The following ARHGEF3 variants were observed in gnomAD, a reference collection of about 807,000 sequenced individuals.
ARHGEF3 encodes 59.8 kDA protein.
ARHGEF3 carries 28 observed loss-of-function variants against 63.2 expected under a neutral mutation model. The observed-to-expected ratio is 0.44, with a 90% CI of 0.33 to 0.61. The LOEUF (loss-of-function observed/expected upper bound fraction) is 0.61. Among genes scored for constraint, ARHGEF3 ranks in the 20% least tolerant of loss-of-function variants. ARHGEF3 has a pLI of 0.03. For synonymous variants in ARHGEF3, 266 were observed against 254.2 expected, an observed-to-expected ratio of 1.05 and a Z score of -0.44; for missense variants, 533 against 659.3, an observed-to-expected ratio of 0.81 and a Z score of 2.10.
At chr3:56,829,534 A>G (rs1421891428) in intron 4 of ARHGEF3, among the ~76,000 whole-genome samples, 1 of 152,202 alleles carries the variant, frequency 6.6e-6, no homozygotes, top group Non-Finnish European at 1.5e-5. Flanking sequence ...CAGTGGAGAA[A>G]TAAAATGCCC....
intron 4 of ARHGEF3, among the ~76,000 whole-genome samples, chr3:56,828,521 G>T (rs975341869): frequency 6.6e-6 from 1 of 152,064 alleles, no homozygotes; most frequent in Non-Finnish European, 1.5e-5. Context: ...GTGACAGAGT[G>T]AGACTCCATC....
Position 56,745,174 on chromosome 3 carries a change from A to G in ARHGEF3, c.870+31T>C, listed in dbSNP as rs748268734. ...ACCAGCCATTATGGTGGAAATAACAAGAAGAGAGAGAAGGAAACAGACAAA... is the reference window on the plus strand; with the variant it reads ...ACCAGCCATTATGGTGGAAATAACAGGAAGAGAGAGAAGGAAACAGACAAA... On this transcript the variant is annotated intron_variant, in intron 7 of 9. Transcript: ENST00000296315. 1.9e-6 allele frequency: 3 copies of G among 1,599,860 alleles called. No individual in the cohort carries two copies. In the South Asian group the frequency reaches 3.4e-5, roughly 18 times the overall value.
chr3:56,964,929 G>A (rs1239891802), intron 2 of ARHGEF3, among the ~76,000 whole-genome samples: 1 of 152,072 alleles, frequency 6.6e-6, no homozygotes, highest in Non-Finnish European at 1.5e-5. Flanking sequence ...AGGTGGAAAG[G>A]ACACTAATAA....
Position 57,059,500 on chromosome 3 carries a change from A to G in ARHGEF3, c.-28+19726T>C, listed in dbSNP as rs150780024. 1.8e-3 allele frequency among the ~76,000 whole-genome samples: 169 copies of G among 92,058 alleles called. 2 individuals carry two copies. The highest frequency in any genetic ancestry group is 6.2e-3 in the African/African-American group (160 of 25,926). 60.4% of individuals were successfully genotyped at this position (92,058 alleles called of 152,430 possible). Reference sequence around the variant, plus strand: ...GGAGTCTGTTCTTCCCCGTGTGTGTATGAGTTGGGGGTGGGGGGAGGGAGG... The same window carrying G: ...GGAGTCTGTTCTTCCCCGTGTGTGTGTGAGTTGGGGGTGGGGGGAGGGAGG... On this transcript the variant is annotated intron_variant, in intron 1 of 12. Coordinates refer to the ARHGEF3 transcript ENST00000338458.
chr3:56,986,072 A>G (rs1249279027), intron 2 of ARHGEF3, among the ~76,000 whole-genome samples: 1 of 152,198 alleles, frequency 6.6e-6, no homozygotes, highest in Non-Finnish European at 1.5e-5. Context: ...GATGCAACTT[A>G]TTAACATTGT....
At chr3:57,075,383 A>C (rs955639564) in intron 1 of ARHGEF3, 3 of 167,116 alleles carry the variant, frequency 1.8e-5, no homozygotes, top group Non-Finnish European at 4.4e-5. Context: ...TGCCTCGCAC[A>C]GAGTAGCCCT....
intron 3 of ARHGEF3, among the ~76,000 whole-genome samples, chr3:56,944,349 A>T (rs1456956278): frequency 6.6e-6 from 1 of 152,142 alleles, no homozygotes; most frequent in Admixed American, 6.5e-5. Flanking sequence ...CAAAATTCCA[A>T]CATTAACAGG....
chr3:56,789,348 C>A (rs567938536), intron 1 of ARHGEF3, among the ~76,000 whole-genome samples: 1 of 152,272 alleles, frequency 6.6e-6, no homozygotes, highest in African/African-American at 2.4e-5. Context: ...AAAAAAGGAA[C>A]AGGATGGTTT....
At chr3:56,794,574 C>T (rs1217599635) in intron 1 of ARHGEF3, among the ~76,000 whole-genome samples, 1 of 150,654 alleles carries the variant, frequency 6.6e-6, no homozygotes, top group East Asian at 2.0e-4. Context: ...ATTTTCTCAT[C>T]ATCTATACTG....
chr3:56,729,073 T>A lies in ARHGEF3; in HGVS notation c.*197A>T, dbSNP rs938860996. ...TGGGAAATACAACACAGGGTAATAG[T>A]TGCCACAGATTCCAGCTTACACAGA... On this transcript the variant is annotated 3_prime_UTR_variant, in exon 10 of 10. Transcript: ENST00000296315. 2 of 568,630 alleles carry A rather than the reference T, an allele frequency of 3.5e-6. No homozygotes were observed. The highest frequency in any genetic ancestry group is 3.3e-5 in the Admixed American group (1 of 29,874). 35.2% of individuals were successfully genotyped at this position (568,630 alleles called of 1,614,324 possible). A position where few individuals can be genotyped will look rare whatever the true frequency, so the allele number is the denominator to read the frequency against.
intron 1 of ARHGEF3, among the ~76,000 whole-genome samples, chr3:57,067,462 A>ATAG (rs1472231634): frequency 4.1e-5 from 6 of 147,558 alleles, no homozygotes; most frequent in African/African-American, 1.5e-4. Context: ...CAAAATAATA[A>ATAG]TAATAATAAT....
chr3:56,869,453 G>A (rs936984265), intron 4 of ARHGEF3, among the ~76,000 whole-genome samples: 5 of 152,192 alleles, frequency 3.3e-5, no homozygotes, highest in African/African-American at 1.2e-4. Context: ...CACAAACCAC[G>A]AGAATTCTCC....
intron 2 of ARHGEF3, among the ~76,000 whole-genome samples, chr3:57,002,799 G>A (rs1452687780): frequency 4.9e-5 from 7 of 142,668 alleles, no homozygotes; most frequent in Non-Finnish European, 9.1e-5. Context: ...TTTTGAGACA[G>A]AGTCTTGCTC....
At chr3:56,896,466 C>G (rs1350354103) in intron 3 of ARHGEF3, among the ~76,000 whole-genome samples, 1 of 152,186 alleles carries the variant, frequency 6.6e-6, no homozygotes, top group African/African-American at 2.4e-5. Flanking sequence ...AATGTATCAA[C>G]TCGTTCACCA....
At position 56,951,405 on chromosome 3, in the gene ARHGEF3, T is replaced by C. The variant is rs907887141; in HGVS notation, c.129+7418A>G. On this transcript the variant is annotated intron_variant, in intron 3 of 12. Coordinates refer to the ARHGEF3 transcript ENST00000338458. ...AAGATGATCATTAGCATTTTTTGCA[T>C]TGAAGTATTTTTAAATTAAGATATA... 2.0e-5 allele frequency among the ~76,000 whole-genome samples: 3 copies of C among 152,156 alleles called. No homozygotes were observed. The South Asian group carries it at 6.2e-4, about 32-fold the overall frequency.
At chr3:56,729,922 C>G (rs1169132913) in intron 9 of ARHGEF3, among the ~76,000 whole-genome samples, 38 of 152,158 alleles carry the variant, frequency 2.5e-4, no homozygotes, top group Non-Finnish European at 7.4e-5. Flanking sequence ...GTGACCCAAT[C>G]TGGCTGCATA....
chr3:56,949,704 C>T (rs1251586418), intron 3 of ARHGEF3, among the ~76,000 whole-genome samples: 29 of 152,078 alleles, frequency 1.9e-4, no homozygotes, highest in Admixed American at 1.8e-3. Context: ...GGCCATACTG[C>T]CCAAGGTAAT....
chr3:56,907,329 T>C (rs901025050), intron 3 of ARHGEF3, among the ~76,000 whole-genome samples: 2 of 152,198 alleles, frequency 1.3e-5, no homozygotes, highest in African/African-American at 4.8e-5. Context: ...CACAACGCTA[T>C]GGAGGCCCGA....
At chr3:57,003,401 CAAAAA>C (rs60214570) in intron 2 of ARHGEF3, among the ~76,000 whole-genome samples, 2 of 43,708 alleles carry the variant, frequency 4.6e-5, no homozygotes, top group African/African-American at 2.0e-4. Context: ...GACGCCGTCT[CAAAAA>C]AAAAAAAAAA....
Sources: allele counts gnomAD v4.1 joint callset (sites outside exome capture counted in the v4.1 genomes callset), GRCh38; gene constraint gnomAD v4.1.1; transcripts MANE v1.5; gene names NCBI Gene and HGNC (gene_info 2026-07-23, HGNC 2026-07-21).